The following NPR1 variants were observed in gnomAD, a reference collection of about 807,000 sequenced individuals.
The protein encoded by NPR1 is atrial natriuretic peptide receptor 1.
In NPR1, 57 loss-of-function variants were observed where a neutral mutation model predicts 116.9. That is an observed-to-expected ratio of 0.49 (90% CI 0.39 to 0.61). The LOEUF (loss-of-function observed/expected upper bound fraction) is 0.61, where lower values mean the gene tolerates loss of function less well. NPR1 is among the 20% of genes least tolerant of loss of function. The pLI, the probability that NPR1 is intolerant of heterozygous loss-of-function variation, is 0.00. For missense variants in NPR1, 1,096 were observed against 1,409.8 expected, an observed-to-expected ratio of 0.78 and a Z score of 3.56; for synonymous variants, 555 against 601.6, an observed-to-expected ratio of 0.92 and a Z score of 1.13.
intron 1 of NPR1, among the ~76,000 whole-genome samples, chr1:153,680,183 C>G (rs1486040748): frequency 6.7e-6 from 1 of 148,912 alleles, no homozygotes; most frequent in Non-Finnish European, 1.5e-5. Flanking sequence ...CTCTCTTCTC[C>G]CCCTCCCTCT....
rs183474945 is a variant in NPR1, at chr1:153,680,798, G to T, written c.921+98G>T. The T allele has an allele frequency of 5.8e-4, 576 of 992,032 alleles. 1 individual carries two copies. The African/African-American group carries it at 7.8e-3, about 13-fold the overall frequency. 61.5% of individuals were successfully genotyped at this position (992,032 alleles called of 1,614,324 possible). ...CGTCTGAAAGAATTCCAGAAAAGAGGTTTTTGTCTGTTTGTTTCTTTATGC... is the reference window on the plus strand; with the variant it reads ...CGTCTGAAAGAATTCCAGAAAAGAGTTTTTTGTCTGTTTGTTTCTTTATGC... On this transcript the variant is annotated intron_variant, in intron 2 of 21. Transcript: ENST00000368680.
Position 153,685,895 on chromosome 1 carries a change from A to C in NPR1, c.1680+15A>C, listed in dbSNP as rs561148882. 31 of 1,609,116 alleles carry C rather than the reference A, an allele frequency of 1.9e-5. No homozygotes were observed. Among genetic ancestry groups the C allele is most frequent in the Non-Finnish European group, 2.6e-5 (30 of 1,175,736 alleles). On this transcript the variant is annotated intron_variant, in intron 9 of 21. Coordinates refer to ENST00000368680, the MANE Select transcript of NPR1 (RefSeq NM_000906.4). ...CATATTATAAGGTGGGCCTGGGGAA[A>C]GATCACTGGGCCTTGGGACTGGGGC...
chr1:153,687,669 G>T lies in NPR1; in HGVS notation c.2128G>T (p.Ala710Ser). Residue 710 changes from alanine (A) to serine (S), a missense_variant, in exon 14 of 22, where the codon GCT becomes TCT. Ala to Ser is a moderately conservative substitution (Grantham distance 99). Transcript: ENST00000368680. Reference protein sequence around the residue: ...LWTAPELLRMASPPVRGSQAG... With the variant: ...LWTAPELLRMSSPPVRGSQAG... ...GACGGCCCCTGAGCTCCTGCGAATG[G>T]CTTCACCCCCTGTGCGGGGCTCCCA... 1 of 1,601,776 alleles carries T rather than the reference G, an allele frequency of 6.2e-7. No individual in the cohort carries two copies. The highest frequency in any genetic ancestry group is 8.5e-7 in the Non-Finnish European group (1 of 1,170,700).
intron 4 of NPR1, 147 bp downstream of exon 4, chr1:153,681,986 C>T: frequency 1.1e-6 from 1 of 912,944 alleles, no homozygotes; most frequent in African/African-American, 1.7e-5. Context: ...GCCCATCCCT[C>T]AGAAGTCCTA....
In NPR1 at chr1:153,678,797, C is replaced by G; in HGVS notation, c.-312C>G. 4.8e-6 allele frequency: 1 copy of G among 208,538 alleles called. No individual in the cohort carries two copies. The highest frequency in any genetic ancestry group is 9.1e-6 in the Non-Finnish European group (1 of 110,092). 12.9% of individuals were successfully genotyped at this position (208,538 alleles called of 1,614,324 possible). ...CGAAGCGCTCACTCGCACCCTTTCT[C>G]TCTCTCTCTCTCTCTCTCTAACACG... On this transcript the variant is annotated 5_prime_UTR_variant, in exon 1 of 22. Coordinates refer to ENST00000368680, the MANE Select transcript of NPR1 (RefSeq NM_000906.4). This position sits in a 1 kb window ranked among gnomAD's most constrained non-coding sequence, Gnocchi z 5.8.
Position 153,686,119 on chromosome 1 carries a change from C to G in NPR1, c.1681-4C>G. ...CACAGTGACAGTCTCCATTCCATGC[C>G]CAGGGCAACCTCGTGGCTGTGAAAC... On this transcript the variant is annotated splice_polypyrimidine_tract_variant and splice_region_variant and intron_variant, in intron 9 of 21. Transcript: ENST00000368680. 6.2e-7 allele frequency: 1 copy of G among 1,613,784 alleles called. No individual in the cohort carries two copies.
chr1:153,680,013 C>T (rs539552969), intron 1 of NPR1, among the ~76,000 whole-genome samples, 184 bp downstream of exon 1: 1 of 152,190 alleles, frequency 6.6e-6, no homozygotes, highest in East Asian at 1.9e-4. Context: ...CTTCTTCCGC[C>T]ACCCCCACCA....
rs980849321 is a variant in NPR1 at position 153,683,803 on chromosome 1, T to C, written c.1463T>C (p.Ile488Thr). Residue 488 changes from isoleucine (I) to threonine (T), a missense_variant, in exon 7 of 22, where the codon ATT becomes ACT. Physicochemically the swap from Ile to Thr is moderately conservative, Grantham distance 89. Transcript: ENST00000368680. ...AGCCTCTCCTTGCTCGGCATTCTGA[T>C]TGTCTCCTTCTTCATATACAGGTGA... ...VGSLSLLGIL[I>T]VSFFIYRKMQ... is the part of the protein sequence containing the mutation. The C allele has an allele frequency of 1.2e-6, 2 of 1,613,864 alleles. No individual in the cohort carries two copies. The highest frequency in any genetic ancestry group is 2.7e-5 in the African/African-American group (2 of 74,906).
rs776085770 is a variant in NPR1, at chr1:153,689,789, C to T, written c.2758-17C>T. On this transcript the variant is annotated splice_polypyrimidine_tract_variant and intron_variant, in intron 18 of 21. Coordinates refer to ENST00000368680, the MANE Select transcript of NPR1 (RefSeq NM_000906.4). This position sits in a 1 kb window ranked among gnomAD's most constrained non-coding sequence, Gnocchi z 5.1. ...GTTGCAGCCGTCAAGTCCTGCACCC[C>T]CTCGCCACTCCCACAGGTGGAGACA... is the stretch of plus-strand genomic sequence containing the variant. 2 of 1,523,230 alleles carry T rather than the reference C, an allele frequency of 1.3e-6. No individual in the cohort carries two copies. The highest frequency in any genetic ancestry group is 2.0e-5 in the Admixed American group (1 of 50,100). 94.4% of individuals were successfully genotyped at this position (1,523,230 alleles called of 1,614,324 possible). A position where few individuals can be genotyped will look rare whatever the true frequency, so the allele number is the denominator to read the frequency against.
chr1:153,691,370 T>A (rs184124019), intron 20 of NPR1, among the ~76,000 whole-genome samples: 4 of 152,328 alleles, frequency 2.6e-5, no homozygotes, highest in African/African-American at 9.6e-5. Flanking sequence ...TAAACATTTA[T>A]TGAGTGACTA....
In NPR1 at chr1:153,687,046, G is replaced by A; in HGVS notation, c.1894G>A (p.Asp632Asn). The A allele has an allele frequency of 6.2e-7, 1 of 1,614,096 alleles. No homozygotes were observed. Among genetic ancestry groups the A allele is most frequent in the Non-Finnish European group, 8.5e-7 (1 of 1,179,996 alleles). Residue 632 changes from aspartate to asparagine, a missense_variant, in exon 12 of 22, where the codon GAC becomes AAC. By Grantham distance (23) the Asp-to-Asn change is conservative. Transcript: ENST00000368680. ...DILENESITL[D>N]WMFRYSLTND... is the part of the protein sequence containing the mutation. ...TCTGGAGAATGAGAGCATCACCCTGGACTGGATGTTCCGGTACTCACTCAC... is the reference window on the plus strand; with the variant it reads ...TCTGGAGAATGAGAGCATCACCCTGAACTGGATGTTCCGGTACTCACTCAC...
At position 153,679,678 on chromosome 1, in the gene NPR1, G is replaced by A; in HGVS notation, c.570G>A (p.Pro190=). Reference sequence around the variant, plus strand: ...CGCTCATGCTCTACGCCTACCGGCCGGGTGACGAAGAGCACTGCTTCTTCC... The same window carrying A: ...CGCTCATGCTCTACGCCTACCGGCCAGGTGACGAAGAGCACTGCTTCTTCC... The part of the protein sequence containing the change: ...RQALMLYAYR[P]GDEEHCFFLV... The change falls in exon 1 of 22, where the codon CCG becomes CCA. Residue 190 remains proline (P), a synonymous_variant. Coordinates refer to ENST00000368680, the MANE Select transcript of NPR1 (RefSeq NM_000906.4). This position sits in a 1 kb window ranked among gnomAD's most constrained non-coding sequence, Gnocchi z 4.2. 2.5e-6 allele frequency: 4 copies of A among 1,609,096 alleles called. No homozygotes were observed. Among genetic ancestry groups the A allele is most frequent in the Non-Finnish European group, 3.4e-6 (4 of 1,179,156 alleles).
In NPR1 at chr1:153,693,339, T is replaced by A. The variant is rs760627821; in HGVS notation, c.3124-13T>A. 1.2e-6 allele frequency: 2 copies of A among 1,612,484 alleles called. No homozygotes were observed. Among genetic ancestry groups the A allele is most frequent in the Non-Finnish European group, 8.5e-7 (1 of 1,179,002 alleles). On this transcript the variant is annotated splice_polypyrimidine_tract_variant and intron_variant, in intron 21 of 21. Transcript: ENST00000368680. ...TGTGCCACTCCCCAGCCCATCCTCT[T>A]TTTTCCCTCCAGGGCAAAGGCAAGG... is the stretch of plus-strand genomic sequence containing the variant.
intron 2 of NPR1, 78 bp from the exon 3 acceptor site, chr1:153,681,102 C>T: frequency 1.2e-6 from 1 of 813,334 alleles, no homozygotes; most frequent in East Asian, 2.4e-5. Flanking sequence ...GGGAGGTGGG[C>T]TCCCAACTGT....
At position 153,689,371 on chromosome 1, in the gene NPR1, T is replaced by C; in HGVS notation, c.2688+60T>C. 6.2e-7 allele frequency: 1 copy of C among 1,613,498 alleles called. No individual in the cohort carries two copies. Among genetic ancestry groups the C allele is most frequent in the Non-Finnish European group, 8.5e-7 (1 of 1,179,434 alleles). On this transcript the variant is annotated intron_variant, in intron 17 of 21. Coordinates refer to ENST00000368680, the MANE Select transcript of NPR1 (RefSeq NM_000906.4). The surrounding 1 kb of genome is among the most constrained non-coding windows in gnomAD (Gnocchi z 5.1). The stretch of plus-strand genomic sequence containing the variant: ...CTCAGCATCTGGATCCCACCAGACC[T>C]GCCTTCTGGTTCTGCTTTACCCACC...
rs1669910548 is a variant in NPR1 at position 153,685,802 on chromosome 1, T to C, written c.1606-4T>C. 1.2e-6 allele frequency: 2 copies of C among 1,613,622 alleles called. No individual in the cohort carries two copies. Among genetic ancestry groups the C allele is most frequent in the Non-Finnish European group, 1.7e-6 (2 of 1,179,672 alleles). On this transcript the variant is annotated splice_region_variant and splice_polypyrimidine_tract_variant and intron_variant, in intron 8 of 21. Transcript: ENST00000368680. ...ACCATTCCTCCTGCTCTCCCTCCTT[T>C]CAGAGAGGCTCCAATTACGGCTCCC...
At chr1:153,681,623 G>T in intron 3 of NPR1, 81 bp from the exon 4 acceptor site, 1 of 1,489,746 alleles carries the variant, frequency 6.7e-7, no homozygotes, top group Non-Finnish European at 9.1e-7. Context: ...AAATCCCAGT[G>T]CCTCTTGTTC....
Position 153,678,978 on chromosome 1 carries a change from G to A in NPR1, c.-131G>A. 6 of 1,194,778 alleles carry A rather than the reference G, an allele frequency of 5.0e-6. No homozygotes were observed. The South Asian group carries it at 1.2e-4, about 24-fold the overall frequency. 74.0% of individuals were successfully genotyped at this position (1,194,778 alleles called of 1,614,324 possible). ...GCTACAGGGGGCCTCGAGCCCCGGG[G>A]TGAGCGTCCCCGTCCCGCTCCTGCT... On this transcript the variant is annotated 5_prime_UTR_variant, in exon 1 of 22. The change creates a new upstream start codon in the 5' untranslated region. Transcript: ENST00000368680. This position sits in a 1 kb window ranked among gnomAD's most constrained non-coding sequence, Gnocchi z 5.8.
At chr1:153,690,118 C>CTG in intron 19 of NPR1, 138 bp downstream of exon 19, 6 of 494,412 alleles carry the variant, frequency 1.2e-5, no homozygotes, top group South Asian at 5.5e-5. Flanking sequence ...GTCTCTCTCT[C>CTG]TCTCTCTCTC....
Sources: allele counts gnomAD v4.1 joint callset (sites outside exome capture counted in the v4.1 genomes callset), GRCh38; gene constraint gnomAD v4.1.1; non-coding constraint Gnocchi (gnomAD v3.1); transcripts MANE v1.5; gene names NCBI Gene and HGNC (gene_info 2026-07-23, HGNC 2026-07-21).